Variants in CSRP2 observed in about 807,000 individuals in gnomAD.
CSRP2 encodes the protein cysteine and glycine-rich protein 2.
A neutral mutation model predicts 24.6 loss-of-function variants in CSRP2; 18 were observed. The ratio of observed to expected loss-of-function variants is 0.73; its 90% CI spans 0.51 to 1.09. CSRP2 has a LOEUF of 1.09. Ranked by LOEUF, CSRP2 falls within the 50% of genes least tolerant of loss-of-function variation. CSRP2 has a pLI of 0.00. For synonymous variants in CSRP2, 87 were observed against 84.3 expected (o/e 1.03, Z -0.18); for missense variants, 215 against 239.4 (o/e 0.90, Z 0.67).
At chr12:76,865,885 G>T in intron 2 of CSRP2, 1 of 460,890 alleles carries the variant, frequency 2.2e-6, no homozygotes. Flanking sequence ...TCAGTGAGGT[G>T]GGGGAGGCAG....
chr12:76,869,367 A>G (rs531531118), intron 1 of CSRP2, among the ~76,000 whole-genome samples: 17 of 152,174 alleles, frequency 1.1e-4, no homozygotes, highest in Non-Finnish European at 2.5e-4. Flanking sequence ...AGAGGGGACA[A>G]AAACACTCAA....
intron 1 of CSRP2, among the ~76,000 whole-genome samples, chr12:76,877,933 G>A (rs953273037): frequency 1.5e-4 from 23 of 151,958 alleles, no homozygotes; most frequent in African/African-American, 4.6e-4. Context: ...TTCGCTGCCC[G>A]GGTTAAAAAA....
At chr12:76,869,293 C>T (rs1378160658) in intron 1 of CSRP2, among the ~76,000 whole-genome samples, 1 of 152,100 alleles carries the variant, frequency 6.6e-6, no homozygotes, top group African/African-American at 2.4e-5. Flanking sequence ...ATGACCTAAA[C>T]ATCTCCCATT....
Position 76,866,135 on chromosome 12 carries a change from G to A in CSRP2, c.112+14C>T, listed in dbSNP as rs747021861. On this transcript the variant is annotated intron_variant, in intron 2 of 5. Transcript: ENST00000311083. Reference sequence around the variant, plus strand: ...ACAAATTCCGTCAAAGGTGGAGCATGGAGAGCTACTTACTGCAGAGAAAGC... The same window carrying A: ...ACAAATTCCGTCAAAGGTGGAGCATAGAGAGCTACTTACTGCAGAGAAAGC... 12 of 1,589,304 alleles carry A rather than the reference G, an allele frequency of 7.6e-6. No individual in the cohort carries two copies. The highest frequency in any genetic ancestry group is 1.0e-5 in the Non-Finnish European group (12 of 1,157,720).
chr12:76,863,289 G>A lies in CSRP2; in HGVS notation c.168C>T (p.Ile56=). ...STTVAIHDEE[I]YCKSCYGKKY... The stretch of plus-strand genomic sequence containing the variant: ...TCTTTCCGTAGCAGGATTTGCAGTA[G>A]ATCTCTTCATCGTGAATTGCCACTG... Residue 56 remains isoleucine, a synonymous_variant, in exon 3 of 6, where the codon ATC becomes ATT. Coordinates refer to ENST00000311083, the MANE Select transcript of CSRP2 (RefSeq NM_001321.3). 2 of 1,614,210 alleles carry A rather than the reference G, an allele frequency of 1.2e-6. No individual in the cohort carries two copies. Among genetic ancestry groups the A allele is most frequent in the East Asian group, 2.2e-5 (1 of 44,878 alleles).
At position 76,866,131 on chromosome 12, in the gene CSRP2, G is replaced by A. The variant is rs745610205; in HGVS notation, c.112+18C>T. 6.3e-7 allele frequency: 1 copy of A among 1,576,632 alleles called. No individual in the cohort carries two copies. The highest frequency in any genetic ancestry group is 1.1e-5 in the South Asian group (1 of 90,094). On this transcript the variant is annotated intron_variant, in intron 2 of 5. Transcript: ENST00000311083. ...ACATACAAATTCCGTCAAAGGTGGA[G>A]CATGGAGAGCTACTTACTGCAGAGA...
chr12:76,878,397 C>A (rs916762838), intron 1 of CSRP2: 5 of 152,424 alleles, frequency 3.3e-5, no homozygotes, highest in African/African-American at 9.6e-5. Flanking sequence ...GAGCCCGGTA[C>A]GGCGGCAGGA....
intron 5 of CSRP2, chr12:76,859,343 G>T: frequency 1.7e-6 from 1 of 598,192 alleles, no homozygotes; most frequent in Non-Finnish European, 3.0e-6. Flanking sequence ...ATGGCTATTT[G>T]TGGTGTTTTT....
intron 2 of CSRP2, chr12:76,863,714 G>A (rs944573446): frequency 1.8e-5 from 3 of 169,468 alleles, no homozygotes; most frequent in Non-Finnish European, 3.8e-5. Context: ...AGTTTCAAAG[G>A]TGGCTATAAA....
At chr12:76,874,249 GATTA>G (rs1293577591) in intron 1 of CSRP2, among the ~76,000 whole-genome samples, 4 of 152,312 alleles carry the variant, frequency 2.6e-5, no homozygotes, top group African/African-American at 7.2e-5. Flanking sequence ...AGAGAACTGT[GATTA>G]ATTATTTTTG....
At chr12:76,859,979 T>C (rs915902990) in intron 4 of CSRP2, among the ~76,000 whole-genome samples, 6 of 152,228 alleles carry the variant, frequency 3.9e-5, no homozygotes, top group African/African-American at 1.4e-4. Flanking sequence ...GTGTCCTGAC[T>C]CGGATTCCTG....
At chr12:76,866,297 G>A (rs778414179) in intron 1 of CSRP2, 36 bp from the exon 2 acceptor site, 35 of 1,560,490 alleles carry the variant, frequency 2.2e-5, no homozygotes, top group Non-Finnish European at 3.1e-5. Flanking sequence ...ATGTCCCTGT[G>A]CTGGTCGTAC....
chr12:76,866,355 T>C (rs1333697406), intron 1 of CSRP2, 94 bp from the exon 2 acceptor site: 9 of 878,624 alleles, frequency 1.0e-5, no homozygotes, highest in Non-Finnish European at 1.6e-5. Context: ...CAGATTTTCG[T>C]TTCTTTATGA....
Position 76,869,557 on chromosome 12 carries a change from C to G in CSRP2, c.-1-3296G>C, listed in dbSNP as rs992424823. 4.8e-4 allele frequency among the ~76,000 whole-genome samples: 73 copies of G among 151,006 alleles called. 1 individual carries two copies. The highest frequency in any genetic ancestry group is 7.5e-4 in the Non-Finnish European group (51 of 67,780). The stretch of plus-strand genomic sequence containing the variant: ...ACACACACACACACACACACACACA[C>G]ACACACACACACACACACACACCCC... On this transcript the variant is annotated intron_variant, in intron 1 of 5. Transcript: ENST00000311083.
intron 1 of CSRP2, 119 bp downstream of exon 1, chr12:76,878,819 G>C (rs1331934131): frequency 6.6e-6 from 1 of 152,378 alleles, no homozygotes; most frequent in Non-Finnish European, 1.5e-5. Context: ...GGGGATGTCG[G>C]AGGAGACCGG....
At chr12:76,869,529 AACACACACACACAC>A (rs57542492) in intron 1 of CSRP2, among the ~76,000 whole-genome samples, 5,889 of 135,412 alleles carry the variant, frequency 0.043, 142 homozygotes, top group South Asian at 0.076. Context: ...TAAAACAAAC[AACACACACACACAC>A]ACACACACAC....
At position 76,863,221 on chromosome 12, in the gene CSRP2, G is replaced by C; in HGVS notation, c.236C>G (p.Thr79Arg). 1 of 1,614,146 alleles carries C rather than the reference G, an allele frequency of 6.2e-7. No individual in the cohort carries two copies. Among genetic ancestry groups the C allele is most frequent in the Non-Finnish European group, 8.5e-7 (1 of 1,180,014 alleles). The change falls in exon 3 of 6, where the codon ACG becomes AGG. Residue 79 changes from threonine (T) to arginine (R), a missense_variant. Transcript: ENST00000311083. ...CCTCTCGCCACGGTCCATGTTAAGCGTGCCAGCGCCCTGGCCATAACCGTA... is the reference window on the plus strand; with the variant it reads ...CCTCTCGCCACGGTCCATGTTAAGCCTGCCAGCGCCCTGGCCATAACCGTA... Reference protein sequence around the residue: ...KGYGYGQGAGTLNMDRGERLG... With the variant: ...KGYGYGQGAGRLNMDRGERLG...
At chr12:76,872,930 A>T (rs1351997195) in intron 1 of CSRP2, among the ~76,000 whole-genome samples, 2 of 152,172 alleles carry the variant, frequency 1.3e-5, no homozygotes, top group Non-Finnish European at 2.9e-5. Context: ...CACTCATCAG[A>T]GCCGTATGAT....
chr12:76,866,146 T>TA lies in CSRP2; in HGVS notation c.112+2dup. On this transcript the variant is annotated splice_region_variant and intron_variant, in intron 2 of 5. Transcript: ENST00000311083. ...CAAAGGTGGAGCATGGAGAGCTACTTACTGCAGAGAAAGCAGCAGCGGTGG... is the reference window on the plus strand; with the variant it reads ...CAAAGGTGGAGCATGGAGAGCTACTTAACTGCAGAGAAAGCAGCAGCGGTGG... 1 of 1,607,844 alleles carries TA rather than the reference T, an allele frequency of 6.2e-7. No individual in the cohort carries two copies. The highest frequency in any genetic ancestry group is 8.5e-7 in the Non-Finnish European group (1 of 1,174,252).
Sources: gnomAD v4.1 joint callset for allele counts (sites outside exome capture counted in the v4.1 genomes callset) on GRCh38, gnomAD v4.1.1 for gene constraint, MANE v1.5 for transcripts, NCBI Gene and HGNC (gene_info 2026-07-23, HGNC 2026-07-21) for gene names.